Variants in KCNG3 observed in about 807,000 individuals in gnomAD.
KCNG3 encodes the protein voltage-gated potassium channel regulatory subunit KCNG3.
KCNG3 carries 15 observed loss-of-function variants against 29.0 expected under a neutral mutation model. The ratio of observed to expected loss-of-function variants is 0.52; its 90% CI spans 0.35 to 0.80. The LOEUF is 0.80. Ranked by LOEUF, KCNG3 falls within the 30% of genes least tolerant of loss-of-function variation. The pLI, the probability that KCNG3 is intolerant of heterozygous loss-of-function variation, is 0.01. For synonymous variants in KCNG3, 322 were observed against 248.9 expected, an observed-to-expected ratio of 1.29 and a Z score of -2.76; for missense variants, 512 against 605.7, an observed-to-expected ratio of 0.85 and a Z score of 1.62.
At chr2:42,427,240 G>A in the KCNG3 span, among the ~76,000 whole-genome samples, 1,889 of 152,284 alleles carry the variant, frequency 0.012, 38 homozygotes, top group African/African-American at 0.042. Context: ...TTGGTCTTGC[G>A]AGGGATAGTG....
chr2:42,475,130 C>G (rs900412517), intron 1 of KCNG3, among the ~76,000 whole-genome samples: 4 of 152,092 alleles, frequency 2.6e-5, no homozygotes, highest in Non-Finnish European at 4.4e-5. Flanking sequence ...ACACCCATTA[C>G]CTTTCTCTGC....
chr2:42,445,365 C>T (rs1270063826), intron 1 of KCNG3, among the ~76,000 whole-genome samples: 2 of 152,112 alleles, frequency 1.3e-5, no homozygotes, highest in African/African-American at 2.4e-5. Flanking sequence ...AACTTACAGT[C>T]AATGCAAGAT....
intron 1 of KCNG3, among the ~76,000 whole-genome samples, chr2:42,465,761 A>G (rs1474329898): frequency 2.0e-5 from 3 of 152,234 alleles, no homozygotes; most frequent in Non-Finnish European, 4.4e-5. Context: ...CAGATTGTAC[A>G]AAGAACTCCT....
At chr2:42,393,535 T>A in the KCNG3 span, among the ~76,000 whole-genome samples, 1 of 151,744 alleles carries the variant, frequency 6.6e-6, no homozygotes, top group Non-Finnish European at 1.5e-5. Context: ...CACTCCAGCC[T>A]GGGCAATAGA....
At chr2:42,491,884 A>G (rs1673886857) in intron 1 of KCNG3, among the ~76,000 whole-genome samples, 1 of 152,208 alleles carries the variant, frequency 6.6e-6, no homozygotes, top group African/African-American at 2.4e-5. Flanking sequence ...GGATCTTAAG[A>G]CAGTGTCAAA....
intron 1 of KCNG3, among the ~76,000 whole-genome samples, chr2:42,454,132 G>A (rs1672826487): frequency 6.6e-6 from 1 of 150,850 alleles, no homozygotes; most frequent in Non-Finnish European, 1.5e-5. Flanking sequence ...AATCACAAGT[G>A]TCTTGAGCAC....
chr2:42,481,240 C>T (rs761182438), intron 1 of KCNG3, among the ~76,000 whole-genome samples: 3 of 152,142 alleles, frequency 2.0e-5, no homozygotes, highest in Non-Finnish European at 4.4e-5. Flanking sequence ...ACCATGAGGC[C>T]AGAGGCTCAC....
the KCNG3 span, among the ~76,000 whole-genome samples, chr2:42,402,851 C>T: frequency 1.3e-5 from 2 of 152,088 alleles, no homozygotes; most frequent in African/African-American, 4.8e-5. Flanking sequence ...TTCAGAATTA[C>T]GTTTGAATTG....
the KCNG3 span, among the ~76,000 whole-genome samples, chr2:42,400,134 G>A: frequency 6.6e-6 from 1 of 152,242 alleles, no homozygotes; most frequent in South Asian, 2.1e-4. Context: ...GGGCAGTGTG[G>A]GAGAGGGCTG....
Position 42,444,802 on chromosome 2 carries a change from A to G in KCNG3, c.666-223T>C, listed in dbSNP as rs35882655. On this transcript the variant is annotated intron_variant, in intron 1 of 1. Coordinates refer to ENST00000306078, the MANE Select transcript of KCNG3 (RefSeq NM_133329.6). This position sits in a 1 kb window ranked among gnomAD's most constrained non-coding sequence, Gnocchi z 5.8. Reference sequence around the variant, plus strand: ...TGAGACCAGGTGCAGTGGCTCATGCATGTAATCCCAGGTCTTTGGAAGGCT... The same window carrying G: ...TGAGACCAGGTGCAGTGGCTCATGCGTGTAATCCCAGGTCTTTGGAAGGCT... 0.4 allele frequency among the ~76,000 whole-genome samples: 61,219 copies of G among 151,710 alleles called. 12,753 individuals carry two copies. Among genetic ancestry groups the G allele is most frequent in the Admixed American group, 0.55 (8,392 of 15,224 alleles).
At chr2:42,486,322 G>A (rs550856771) in intron 1 of KCNG3, among the ~76,000 whole-genome samples, 3 of 152,170 alleles carry the variant, frequency 2.0e-5, no homozygotes, top group African/African-American at 4.8e-5. Flanking sequence ...ACGTCTCACC[G>A]TCTCCACTGC....
Position 42,493,534 on chromosome 2 carries a change from G to C in KCNG3, c.-33C>G. 1 of 1,336,558 alleles carries C rather than the reference G, an allele frequency of 7.5e-7. No homozygotes were observed. The highest frequency in any genetic ancestry group is 9.5e-7 in the Non-Finnish European group (1 of 1,050,986). 82.8% of individuals were successfully genotyped at this position (1,336,558 alleles called of 1,614,324 possible). The stretch of plus-strand genomic sequence containing the variant: ...CGCCCGGGGGACTTTCGGCCCGAGG[G>C]CCCCGCTGCAGCCCCCCACCCCAAG... On this transcript the variant is annotated 5_prime_UTR_variant, in exon 1 of 2. Transcript: ENST00000306078.
chr2:42,408,162 G>A, the KCNG3 span, among the ~76,000 whole-genome samples: 3 of 152,152 alleles, frequency 2.0e-5, no homozygotes, highest in Non-Finnish European at 1.5e-5. Flanking sequence ...GCTCAGCACT[G>A]GCTTGCAGAA....
At chr2:42,428,662 G>C in the KCNG3 span, among the ~76,000 whole-genome samples, 1 of 151,784 alleles carries the variant, frequency 6.6e-6, no homozygotes, top group Non-Finnish European at 1.5e-5. Flanking sequence ...CAAAAGAAGG[G>C]AAAAAAGGGG....
intron 1 of KCNG3, among the ~76,000 whole-genome samples, chr2:42,489,205 C>G (rs571868460): frequency 1.3e-5 from 2 of 152,056 alleles, no homozygotes; most frequent in African/African-American, 4.8e-5. Flanking sequence ...CCACGCCTGG[C>G]CTGTGAGACC....
chr2:42,438,171 A>C (rs188640805), downstream of KCNG3, among the ~76,000 whole-genome samples: 2 of 152,212 alleles, frequency 1.3e-5, no homozygotes, highest in African/African-American at 4.8e-5. Context: ...AAATCATCGT[A>C]TATTACTACA....
chr2:42,391,882 G>A, the KCNG3 span, among the ~76,000 whole-genome samples: 2 of 152,030 alleles, frequency 1.3e-5, no homozygotes, highest in African/African-American at 4.8e-5. Flanking sequence ...GATTACAGGC[G>A]TGAGCCACCG....
chr2:42,486,259 T>C (rs947382381), intron 1 of KCNG3, among the ~76,000 whole-genome samples: 1 of 152,158 alleles, frequency 6.6e-6, no homozygotes, highest in African/African-American at 2.4e-5. Flanking sequence ...TCCTGGTAGG[T>C]GAGCTGTCAT....
chr2:42,394,983 G>T, the KCNG3 span, among the ~76,000 whole-genome samples: 1 of 152,172 alleles, frequency 6.6e-6, no homozygotes, highest in African/African-American at 2.4e-5. Context: ...GCCCTCACCT[G>T]TATCTGAATG....
Sources: allele counts gnomAD v4.1 joint callset (sites outside exome capture counted in the v4.1 genomes callset), GRCh38; gene constraint gnomAD v4.1.1; non-coding constraint Gnocchi (gnomAD v3.1); transcripts MANE v1.5; gene names NCBI Gene and HGNC (gene_info 2026-07-23, HGNC 2026-07-21).